Variants in MORC1 observed in about 807,000 individuals in gnomAD.
MORC1 encodes MORC family CW-type zinc finger 1, also known as MORC family CW-type zinc finger protein 1.
Under a neutral mutation model 134.9 loss-of-function variants are expected in MORC1, and 59 were observed. That is an observed-to-expected ratio of 0.44 (90% CI 0.35 to 0.54). The LOEUF is 0.54. Among genes scored for constraint, MORC1 ranks in the 20% least tolerant of loss-of-function variants. MORC1 has a pLI of 0.00. For missense variants in MORC1, 947 were observed against 1,134.5 expected (o/e 0.83, Z 2.37); for synonymous variants, 395 against 391.7 (o/e 1.01, Z -0.10).
In MORC1 at chr3:108,996,286, G is replaced by GCACACACA. The variant is rs66629906; in HGVS notation, c.2187+4263_2187+4270dup. Reference sequence around the variant, plus strand: ...CATGTGCGCGTGCGTGCGCGCGCGCGCACACACACACACACACACACAACT... The same window carrying GCACACACA: ...CATGTGCGCGTGCGTGCGCGCGCGCGCACACACACACACACACACACACACACACAACT... On this transcript the variant is annotated intron_variant, in intron 21 of 27. Coordinates refer to ENST00000232603, the MANE Select transcript of MORC1 (RefSeq NM_014429.4). Among the ~76,000 whole-genome samples the GCACACACA allele has an allele frequency of 3.7e-3, 538 of 146,464 alleles. 2 individuals carry two copies. The highest frequency in any genetic ancestry group is 7.1e-3 in the Middle Eastern group (2 of 282).
chr3:108,975,707 A>C (rs1298792319), intron 24 of MORC1, among the ~76,000 whole-genome samples: 2 of 152,164 alleles, frequency 1.3e-5, no homozygotes, highest in Non-Finnish European at 2.9e-5. Context: ...ATCATATGCA[A>C]AGCCCTTAGG....
chr3:109,023,721 A>G (rs914976237), intron 17 of MORC1, among the ~76,000 whole-genome samples: 1 of 152,230 alleles, frequency 6.6e-6, no homozygotes, highest in Non-Finnish European at 1.5e-5. Flanking sequence ...CCTGAAATAC[A>G]GAGAAATTTA....
Position 108,982,938 on chromosome 3 carries a change from G to T in MORC1, c.2324+1778C>A, listed in dbSNP as rs1368086234. Among the ~76,000 whole-genome samples, 20 of 144,996 alleles carry T rather than the reference G, an allele frequency of 1.4e-4. No individual in the cohort carries two copies. In the East Asian group the frequency reaches 2.5e-3, roughly 18 times the overall value. On this transcript the variant is annotated intron_variant, in intron 23 of 27. Coordinates refer to ENST00000232603, the MANE Select transcript of MORC1 (RefSeq NM_014429.4). The stretch of plus-strand genomic sequence containing the variant: ...CACATAAAGGAATATACTAGTTTTG[G>T]TTTTTTTTTAAATGCAAAAAAAAAA...
At chr3:109,046,129 G>A (rs981979829) in intron 14 of MORC1, among the ~76,000 whole-genome samples, 3 of 152,086 alleles carry the variant, frequency 2.0e-5, no homozygotes, top group African/African-American at 7.2e-5. Flanking sequence ...GATGTATGAG[G>A]CATAACGCCA....
At chr3:109,099,313 G>T in intron 6 of MORC1, 45 bp downstream of exon 6, 14 of 1,384,042 alleles carry the variant, frequency 1.0e-5, no homozygotes, top group Non-Finnish European at 1.4e-5. Flanking sequence ...GTAAATGAAA[G>T]CAACATCATT....
intron 5 of MORC1, 119 bp from the exon 6 acceptor site, chr3:109,099,585 G>T: frequency 1.4e-6 from 1 of 709,416 alleles, no homozygotes; most frequent in Non-Finnish European, 2.1e-6. Context: ...CTGTTCTGCT[G>T]ACCCGTCATC....
Position 108,963,615 on chromosome 3 carries a change from A to T in MORC1, c.2605-7T>A, listed in dbSNP as rs377059345. On this transcript the variant is annotated splice_region_variant and splice_polypyrimidine_tract_variant and intron_variant, in intron 26 of 27. Coordinates refer to ENST00000232603, the MANE Select transcript of MORC1 (RefSeq NM_014429.4). ...CCATGTAAGTATTCTGTATCTGGGA[A>T]TGTTTTAAAAACAGTTTTAGCATGT... 2.0e-6 allele frequency: 3 copies of T among 1,511,868 alleles called. No individual in the cohort carries two copies. The African/African-American group carries it at 4.2e-5, about 21-fold the overall frequency. The allele number at this position is 1,511,868 out of a possible 1,614,324, so 93.7% of individuals were successfully genotyped here.
Position 109,005,304 on chromosome 3 carries a change from T to G in MORC1, c.1779A>C (p.Lys593Asn). 6.3e-7 allele frequency: 1 copy of G among 1,587,514 alleles called. No individual in the cohort carries two copies. Among genetic ancestry groups the G allele is most frequent in the Non-Finnish European group, 8.5e-7 (1 of 1,173,220 alleles). Reference sequence around the variant, plus strand: ...CGCCCAAAAGCCTGATTTTCTGGGTTTTGGTATTTTCCTTAAATAACAAAG... The same window carrying G: ...CGCCCAAAAGCCTGATTTTCTGGGTGTTGGTATTTTCCTTAAATAACAAAG... ...CLTSAHKENT[K>N]TQKIRLLGDD... The change falls in exon 19 of 28, where the codon AAA becomes AAC. Residue 593 changes from lysine (K) to asparagine (N), a missense_variant. Transcript: ENST00000232603.
At chr3:109,001,369 T>C (rs951285438) in intron 20 of MORC1, among the ~76,000 whole-genome samples, 5 of 152,172 alleles carry the variant, frequency 3.3e-5, no homozygotes, top group Non-Finnish European at 7.3e-5. Flanking sequence ...AGCAGTAAAT[T>C]CATTACTTTT....
chr3:109,096,226 G>T (rs371134730), intron 6 of MORC1, among the ~76,000 whole-genome samples: 2 of 152,140 alleles, frequency 1.3e-5, no homozygotes, highest in East Asian at 3.8e-4. Flanking sequence ...AGTGTCAGAG[G>T]TGTCTGAATC....
intron 21 of MORC1, among the ~76,000 whole-genome samples, chr3:108,996,263 T>C (rs1948205818): frequency 3.2e-5 from 3 of 94,192 alleles, no homozygotes; most frequent in Admixed American, 3.0e-4. Context: ...CCTGTGCACA[T>C]GTGCGCGTGC....
intron 17 of MORC1, among the ~76,000 whole-genome samples, chr3:109,016,579 C>G (rs1576635523): frequency 6.6e-6 from 1 of 152,044 alleles, no homozygotes; most frequent in Non-Finnish European, 1.5e-5. Flanking sequence ...AAAAAGGTCC[C>G]AGGCCGGGCG....
At position 109,070,744 on chromosome 3, in the gene MORC1, C is replaced by T. The variant is rs115276081; in HGVS notation, c.690-987G>A. ...CAGGTTAACATTATTGCCAGTAACT[C>T]AGTAAGACAGGCAGAGCTCCAAGGA... On this transcript the variant is annotated intron_variant, in intron 8 of 27. Transcript: ENST00000232603. Among the ~76,000 whole-genome samples, 330 of 152,170 alleles carry T rather than the reference C, an allele frequency of 2.2e-3. 1 individual carries two copies. Among genetic ancestry groups the T allele is most frequent in the African/African-American group, 7.6e-3 (317 of 41,520 alleles).
chr3:109,081,453 C>CTT (rs34049870), intron 8 of MORC1, among the ~76,000 whole-genome samples: 1 of 108,182 alleles, frequency 9.2e-6, no homozygotes, highest in Non-Finnish European at 2.0e-5. Context: ...AAGAATTAAA[C>CTT]TTTTTTTTTT....
At chr3:109,053,521 G>GA (rs35197349) in intron 14 of MORC1, among the ~76,000 whole-genome samples, 25,056 of 147,440 alleles carry the variant, frequency 0.17, 2,357 homozygotes, top group African/African-American at 0.25. Flanking sequence ...AACTAATGCA[G>GA]AAAAAAAAAA....
At chr3:109,054,700 T>C (rs1273938512) in intron 14 of MORC1, 28 bp downstream of exon 14, 1 of 1,471,390 alleles carries the variant, frequency 6.8e-7, no homozygotes, top group African/African-American at 1.5e-5. Context: ...TCTGTAAGTA[T>C]CTCCTACTAT....
chr3:109,035,033 G>A (rs968659635), intron 15 of MORC1, among the ~76,000 whole-genome samples: 13 of 152,102 alleles, frequency 8.5e-5, no homozygotes, highest in Middle Eastern at 3.2e-3. Flanking sequence ...ATAGGCATGA[G>A]CCACCATGCC....
chr3:109,083,236 A>G (rs1950555392), intron 8 of MORC1, among the ~76,000 whole-genome samples: 1 of 152,040 alleles, frequency 6.6e-6, no homozygotes, highest in Non-Finnish European at 1.5e-5. Flanking sequence ...AACAAAATTC[A>G]TCACCACCAG....
At chr3:109,051,854 A>C (rs1329368078) in intron 14 of MORC1, among the ~76,000 whole-genome samples, 2 of 151,986 alleles carry the variant, frequency 1.3e-5, no homozygotes, top group East Asian at 3.9e-4. Flanking sequence ...TTGGGAGTAC[A>C]ACTGTTGGGA....
Sources: gnomAD v4.1 joint callset for allele counts (sites outside exome capture counted in the v4.1 genomes callset) on GRCh38, gnomAD v4.1.1 for gene constraint, MANE v1.5 for transcripts, NCBI Gene and HGNC (gene_info 2026-07-23, HGNC 2026-07-21) for gene names.